TRPM8: variants seen among roughly 807,000 people sequenced by gnomAD.
TRPM8 encodes transient receptor potential cation channel subfamily M member 8.
Under a neutral mutation model 133.7 loss-of-function variants are expected in TRPM8, and 110 were observed. The observed-to-expected ratio is 0.82, with a 90% confidence interval of 0.70 to 0.96. The LOEUF is 0.96. TRPM8 is among the 40% of genes least tolerant of loss of function. The probability of loss-of-function intolerance (pLI) is 0.00; values close to 1 mark genes in which losing one functional copy is unlikely to be tolerated. For synonymous variants in TRPM8, 535 were observed against 532.3 expected, an observed-to-expected ratio of 1.01 and a Z score of -0.07; for missense variants, 1,291 against 1,379.5, an observed-to-expected ratio of 0.94 and a Z score of 1.02.
chr2:233,963,463 T>G, intron 13 of TRPM8, 86 bp downstream of exon 13: 1 of 733,062 alleles, frequency 1.4e-6, no homozygotes, highest in Non-Finnish European at 2.3e-6. Flanking sequence ...GCATGCCTAA[T>G]ATAAAACATC....
intron 17 of TRPM8, 32 bp downstream of exon 17, chr2:233,970,458 G>A (rs201537843): frequency 2.1e-5 from 33 of 1,593,068 alleles, no homozygotes; most frequent in African/African-American, 5.4e-5. Flanking sequence ...GAACCCCCTC[G>A]CTTCCTCGGT....
At position 233,970,352 on chromosome 2, in the gene TRPM8, C is replaced by T. The variant is rs1350788437; in HGVS notation, c.2281C>T (p.His761Tyr). The change falls in exon 17 of 26, where the codon CAT becomes TAT. Residue 761 changes from histidine (H) to tyrosine (Y), a missense_variant. Physicochemically the swap from His to Tyr is moderately conservative, Grantham distance 83. Coordinates refer to ENST00000324695, the MANE Select transcript of TRPM8 (RefSeq NM_024080.5). ...TGCCTACGTGCTGCTCATGGATTTC[C>T]ATTCGGTGCCACACCCCCCCGAGCT... ...LFAYVLLMDF[H>Y]SVPHPPELVL... 2 of 1,614,148 alleles carry T rather than the reference C, an allele frequency of 1.2e-6. No individual in the cohort carries two copies.
In TRPM8 at chr2:233,961,040, C is replaced by T. The variant is rs200707338; in HGVS notation, c.1627C>T (p.Arg543Trp). 3.5e-5 allele frequency: 57 copies of T among 1,613,904 alleles called. No homozygotes were observed. Among genetic ancestry groups the T allele is most frequent in the Non-Finnish European group, 4.5e-5 (53 of 1,180,024 alleles). ...CTTCCGGAAGGAAGACAGAAATGGC[C>T]GGGACGAGATGGACATAGAACTCCA... ...RGFRKEDRNG[R>W]DEMDIELHDV... Residue 543 changes from arginine (R) to tryptophan (W), a missense_variant, in exon 12 of 26, where the codon CGG becomes TGG. This residue lies in a region of TRPM8 where 963 missense variants were observed against 968.9 expected (regional missense o/e 0.99). Transcript: ENST00000324695.
chr2:233,934,721 T>A (rs1004446811), intron 3 of TRPM8, among the ~76,000 whole-genome samples: 1 of 152,220 alleles, frequency 6.6e-6, no homozygotes, highest in African/African-American at 2.4e-5. Context: ...AAGATCACTA[T>A]CAGCAGAGCA....
chr2:233,983,981 C>G (rs1404518238), intron 20 of TRPM8, among the ~76,000 whole-genome samples: 1 of 152,192 alleles, frequency 6.6e-6, no homozygotes. Context: ...GCTCTTTTCC[C>G]CTGCAGTGGT....
chr2:234,012,583 G>C (rs543376198), intron 24 of TRPM8, among the ~76,000 whole-genome samples: 6 of 151,760 alleles, frequency 4.0e-5, no homozygotes, highest in African/African-American at 1.5e-4. Flanking sequence ...TTGTTATTTA[G>C]ATGCCTTTTC....
rs1692473918 is a variant in TRPM8, at chr2:233,998,744, C to T, written c.3130+2228C>T. On this transcript the variant is annotated intron_variant, in intron 22 of 25. Transcript: ENST00000324695. Reference sequence around the variant, plus strand: ...TCCAGTTAGAGTGCCAGCTTGTGCCCATCCAGTTAGGGTGCCAGCTTGTGC... The same window carrying T: ...TCCAGTTAGAGTGCCAGCTTGTGCCTATCCAGTTAGGGTGCCAGCTTGTGC... Among the ~76,000 whole-genome samples, 3 of 152,076 alleles carry T rather than the reference C, an allele frequency of 2.0e-5. No homozygotes were observed. The South Asian group carries it at 6.2e-4, about 32-fold the overall frequency.
At chr2:234,001,489 GAAGC>G (rs1317360634) in intron 22 of TRPM8, among the ~76,000 whole-genome samples, 1 of 152,146 alleles carries the variant, frequency 6.6e-6, no homozygotes. Flanking sequence ...ATAAATTTCA[GAAGC>G]AAGAGTCTAC....
At chr2:233,969,521 T>C (rs898038383) in intron 15 of TRPM8, among the ~76,000 whole-genome samples, 174 bp from the exon 16 acceptor site, 1 of 127,972 alleles carries the variant, frequency 7.8e-6, no homozygotes, top group Non-Finnish European at 1.5e-5. Flanking sequence ...TTTTAAATTG[T>C]TTTTTTTAAC....
At chr2:233,941,058 G>T (rs559394443) in intron 5 of TRPM8, among the ~76,000 whole-genome samples, 33 of 152,172 alleles carry the variant, frequency 2.2e-4, no homozygotes, top group Non-Finnish European at 4.1e-4. Context: ...ATTTGTGCAC[G>T]CCCTGTTGAA....
rs190678738 is a variant in TRPM8 at position 233,937,268 on chromosome 2, G to A, written c.192-85G>A. The A allele has an allele frequency of 2.7e-6, 4 of 1,489,958 alleles. No individual in the cohort carries two copies. The African/African-American group carries it at 4.2e-5, about 16-fold the overall frequency. The allele number at this position is 1,489,958 out of a possible 1,614,324, so 92.3% of individuals were successfully genotyped here. A position where few individuals can be genotyped will look rare whatever the true frequency, so the allele number is the denominator to read the frequency against. On this transcript the variant is annotated intron_variant, in intron 3 of 25. Transcript: ENST00000324695. Reference sequence around the variant, plus strand: ...AATAAGACTTGAAGGTATCCTTTGTGTGTCTATTTAAGCTAACAATACCAG... The same window carrying A: ...AATAAGACTTGAAGGTATCCTTTGTATGTCTATTTAAGCTAACAATACCAG...
chr2:233,967,364 T>C (rs1379086406), intron 15 of TRPM8, among the ~76,000 whole-genome samples: 1 of 152,174 alleles, frequency 6.6e-6, no homozygotes, highest in Non-Finnish European at 1.5e-5. Flanking sequence ...GTTCCAGTTG[T>C]AGAAATGTGG....
intron 11 of TRPM8, among the ~76,000 whole-genome samples, chr2:233,958,697 C>T (rs532189736): frequency 6.6e-6 from 1 of 152,246 alleles, no homozygotes; most frequent in Admixed American, 6.5e-5. Context: ...AGAGGTAGCC[C>T]CCTCTTCCCC....
chr2:233,982,063 C>T (rs1276017263), intron 19 of TRPM8, 148 bp downstream of exon 19: 13 of 882,902 alleles, frequency 1.5e-5, no homozygotes, highest in Middle Eastern at 4.7e-4. Flanking sequence ...CATCAGGGGC[C>T]TCTCCCAGGT....
At position 233,981,816 on chromosome 2, in the gene TRPM8, C is replaced by T; in HGVS notation, c.2490C>T (p.Val830=). 1 of 1,613,570 alleles carries T rather than the reference C, an allele frequency of 6.2e-7. No homozygotes were observed. Among genetic ancestry groups the T allele is most frequent in the Non-Finnish European group, 8.5e-7 (1 of 1,179,778 alleles). ...SNKSSLYSGR[V]IFCLDYIIFT... is the part of the protein sequence containing the mutation. ...AAAGCTCTTTGTATTCTGGACGAGT[C>T]ATTTTCTGTCTGGACTACATTATTT... The change falls in exon 19 of 26, where the codon GTC becomes GTT. Residue 830 remains valine (V), a synonymous_variant. Transcript: ENST00000324695.
intron 16 of TRPM8, 185 bp downstream of exon 16, chr2:233,969,992 G>T (rs1282823339): frequency 1.1e-5 from 7 of 664,754 alleles, no homozygotes; most frequent in African/African-American, 5.5e-5. Context: ...ATGGGTAGGG[G>T]TGGGGTTGTG....
intron 16 of TRPM8, 146 bp from the exon 17 acceptor site, chr2:233,970,064 G>T (rs1267588091): frequency 1.3e-5 from 10 of 786,042 alleles, no homozygotes; most frequent in Non-Finnish European, 2.2e-5. Flanking sequence ...ATTTAATTGG[G>T]GTTGGTTCCA....
chr2:233,960,793 A>T lies in TRPM8; in HGVS notation c.1380A>T (p.Glu460Asp), dbSNP rs1194443222. 6.2e-7 allele frequency: 1 copy of T among 1,614,054 alleles called. No individual in the cohort carries two copies. Among genetic ancestry groups the T allele is most frequent in the South Asian group, 1.1e-5 (1 of 91,058 alleles). Residue 460 changes from glutamate to aspartate, a missense_variant, in exon 12 of 26, where the codon GAA (glutamate) becomes GAT (aspartate). Around this residue, in one of 2 missense-constraint regions of TRPM8, gnomAD observed 963 missense variants for 968.9 expected, o/e 0.99. Transcript: ENST00000324695. Reference protein sequence around the residue: ...DRRWESADLQEVMFTALIKDR... With the variant: ...DRRWESADLQDVMFTALIKDR... ...CTCCTTAGTCTGCTGACCTTCAAGA[A>T]GTCATGTTTACGGCTCTCATAAAGG...
intron 17 of TRPM8, among the ~76,000 whole-genome samples, chr2:233,971,529 G>A (rs1691718526): frequency 6.6e-6 from 1 of 152,112 alleles, no homozygotes; most frequent in Non-Finnish European, 1.5e-5. Flanking sequence ...GAATGGAGCT[G>A]GGATGGAGGT....
Sources: allele counts gnomAD v4.1 joint callset (sites outside exome capture counted in the v4.1 genomes callset), GRCh38; gene constraint gnomAD v4.1.1; regional missense constraint gnomAD v4.1.1; transcripts MANE v1.5; gene names NCBI Gene and HGNC (gene_info 2026-07-23, HGNC 2026-07-21).